ZNHIT6: variants seen among roughly 807,000 people sequenced by gnomAD.
The protein encoded by ZNHIT6 is box C/D snoRNA protein 1.
Under a neutral mutation model 57.2 loss-of-function variants are expected in ZNHIT6, and 45 were observed. That is an observed-to-expected ratio of 0.79 (90% CI 0.62 to 1.01). The LOEUF (loss-of-function observed/expected upper bound fraction) is 1.01. ZNHIT6 is among the 50% of genes least tolerant of loss of function. ZNHIT6 has a pLI of 0.00. For synonymous variants in ZNHIT6, 188 were observed against 190.0 expected, an observed-to-expected ratio of 0.99 and a Z score of 0.09; for missense variants, 528 against 567.3, an observed-to-expected ratio of 0.93 and a Z score of 0.70.
chr1:85,694,791 A>C lies in ZNHIT6; in HGVS notation c.1019+7366T>G, dbSNP rs144400599. On this transcript the variant is annotated intron_variant, in intron 5 of 9. Transcript: ENST00000370574. ...TTTTCATAATAAAATATGGGAAAAA[A>C]CTTTAAATAGGTAAAACTAATCTAT... Among the ~76,000 whole-genome samples the C allele has an allele frequency of 6.5e-3, 996 of 152,274 alleles. 10 individuals carry two copies. The highest frequency in any genetic ancestry group is 0.023 in the African/African-American group (948 of 41,554).
intron 8 of ZNHIT6, among the ~76,000 whole-genome samples, chr1:85,660,887 T>G (rs918990948): frequency 6.6e-6 from 1 of 152,226 alleles, no homozygotes; most frequent in Non-Finnish European, 1.5e-5. Flanking sequence ...TTGTGTGGTT[T>G]TGATTAGAAT....
chr1:85,687,309 AAAC>A lies in ZNHIT6; in HGVS notation c.1020-6408_1020-6406del, dbSNP rs1557861243. 1.7e-4 allele frequency among the ~76,000 whole-genome samples: 24 copies of A among 144,010 alleles called. 2 individuals carry two copies. Among genetic ancestry groups the A allele is most frequent in the Middle Eastern group, 3.6e-3 (1 of 278 alleles). The allele number at this position is 144,010 out of a possible 152,430, so 94.5% of individuals were successfully genotyped here. A position where few individuals can be genotyped will look rare whatever the true frequency, so the allele number is the denominator to read the frequency against. ...AAAACAAAAAAAAAACAAAAAAAAA[AAAC>A]AATTTAGAACCCAGTACTCAAAAAT... On this transcript the variant is annotated intron_variant, in intron 5 of 9. Coordinates refer to ENST00000370574, the MANE Select transcript of ZNHIT6 (RefSeq NM_017953.4).
intron 5 of ZNHIT6, among the ~76,000 whole-genome samples, chr1:85,682,592 T>C (rs142138250): frequency 1.3e-5 from 2 of 152,338 alleles, no homozygotes; most frequent in African/African-American, 4.8e-5. Flanking sequence ...TAACTAGCTC[T>C]ACTTATAACA....
intron 8 of ZNHIT6, among the ~76,000 whole-genome samples, chr1:85,664,214 TA>T (rs1445456268): frequency 2.6e-5 from 4 of 152,202 alleles, no homozygotes; most frequent in Non-Finnish European, 5.9e-5. Context: ...CCTCTTTACA[TA>T]ATCCCATATT....
chr1:85,673,635 C>T (rs1661625542), intron 8 of ZNHIT6, among the ~76,000 whole-genome samples: 2 of 152,164 alleles, frequency 1.3e-5, no homozygotes, highest in Admixed American at 1.3e-4. Context: ...GATTTCTAAG[C>T]ACTTTTCAGG....
At chr1:85,670,853 G>A (rs1180009266) in intron 8 of ZNHIT6, among the ~76,000 whole-genome samples, 3 of 152,130 alleles carry the variant, frequency 2.0e-5, no homozygotes, top group Non-Finnish European at 4.4e-5. Context: ...TGAAGATGCT[G>A]AGCTGCAAGG....
chr1:85,667,613 A>G (rs956434965), intron 8 of ZNHIT6, among the ~76,000 whole-genome samples: 5 of 127,144 alleles, frequency 3.9e-5, no homozygotes, highest in Non-Finnish European at 8.1e-5. Context: ...GTAATTTAAC[A>G]TCAATATCAT....
intron 4 of ZNHIT6, among the ~76,000 whole-genome samples, chr1:85,704,134 G>A (rs947957194): frequency 2.6e-5 from 4 of 152,152 alleles, no homozygotes; most frequent in East Asian, 1.9e-4. Flanking sequence ...AAGTATTGGC[G>A]AGAATATGAC....
chr1:85,675,248 G>T (rs1335194707), intron 8 of ZNHIT6, among the ~76,000 whole-genome samples: 3 of 152,066 alleles, frequency 2.0e-5, no homozygotes, highest in Non-Finnish European at 4.4e-5. Context: ...CAAAAAATAC[G>T]TCAAAGAAGT....
intron 8 of ZNHIT6, among the ~76,000 whole-genome samples, chr1:85,668,516 CT>C (rs1416369768): frequency 6.6e-6 from 1 of 152,184 alleles, no homozygotes; most frequent in Non-Finnish European, 1.5e-5. Flanking sequence ...GAAAAGACAT[CT>C]GAAAATAGTT....
intron 5 of ZNHIT6, among the ~76,000 whole-genome samples, chr1:85,684,013 A>G (rs975548465): frequency 2.6e-5 from 4 of 152,200 alleles, no homozygotes; most frequent in African/African-American, 9.6e-5. Context: ...GAGAACCACA[A>G]GGATAAAGGT....
intron 8 of ZNHIT6, among the ~76,000 whole-genome samples, chr1:85,668,336 T>C (rs964996652): frequency 1.3e-5 from 2 of 152,122 alleles, no homozygotes; most frequent in Non-Finnish European, 2.9e-5. Context: ...GATTAAATGA[T>C]TTTCCCCCAT....
At chr1:85,702,952 A>C (rs886399698) in intron 4 of ZNHIT6, among the ~76,000 whole-genome samples, 3 of 152,206 alleles carry the variant, frequency 2.0e-5, no homozygotes, top group Non-Finnish European at 4.4e-5. Flanking sequence ...ATATAAACGC[A>C]AGTTTTTTGT....
At chr1:85,688,239 T>G (rs1662120857) in intron 5 of ZNHIT6, among the ~76,000 whole-genome samples, 1 of 152,180 alleles carries the variant, frequency 6.6e-6, no homozygotes, top group Non-Finnish European at 1.5e-5. Context: ...TTATTTCATT[T>G]TACAGATGAA....
In ZNHIT6 at chr1:85,708,170, C is replaced by G. The variant is rs377121484; in HGVS notation, c.115G>C (p.Ala39Pro). The G allele has an allele frequency of 6.2e-7, 1 of 1,614,096 alleles. No homozygotes were observed. The highest frequency in any genetic ancestry group is 8.5e-7 in the Non-Finnish European group (1 of 1,180,054). The change falls in exon 1 of 10, where the codon GCG (alanine) becomes CCG (proline). Residue 39 changes from alanine to proline, a missense_variant. Physicochemically the swap from Ala to Pro is conservative, Grantham distance 27. Coordinates refer to ENST00000370574, the MANE Select transcript of ZNHIT6 (RefSeq NM_017953.4). ...TCCTCTCCGCCGCCGAACTCCTCCG[C>G]CCCTGCTAAGTCCCTTACTCCCTCC... ...GREGVRDLAG[A>P]EEFGGGEEGT...
At chr1:85,667,061 T>C (rs1372120895) in intron 8 of ZNHIT6, among the ~76,000 whole-genome samples, 1 of 152,190 alleles carries the variant, frequency 6.6e-6, no homozygotes. Flanking sequence ...GGGTTTCACA[T>C]AATCTGAGAA....
Position 85,669,714 on chromosome 1 carries a change from C to T in ZNHIT6, c.1247+7522G>A, listed in dbSNP as rs187732275. Among the ~76,000 whole-genome samples the T allele has an allele frequency of 4.8e-3, 726 of 152,276 alleles. 4 individuals are homozygous for T. Among genetic ancestry groups the T allele is most frequent in the Non-Finnish European group, 6.9e-3 (469 of 68,024 alleles). On this transcript the variant is annotated intron_variant, in intron 8 of 9. Coordinates refer to ENST00000370574, the MANE Select transcript of ZNHIT6 (RefSeq NM_017953.4). ...AAGTGAAGGCAATGGTTTATCTTTC[C>T]ATCAAGAAATGATTAAGTCTGGAGT...
rs576679999 is a variant in ZNHIT6 at position 85,702,230 on chromosome 1, G to C, written c.946C>G (p.Gln316Glu). The change falls in exon 5 of 10, where the codon CAA (glutamine) becomes GAA (glutamate). Residue 316 changes from glutamine (Q) to glutamate (E), a missense_variant. Physicochemically the swap from Gln to Glu is conservative, Grantham distance 29. Coordinates refer to ENST00000370574, the MANE Select transcript of ZNHIT6 (RefSeq NM_017953.4). ...GGTAGAAGTTTTAAGTTAATACCTT[G>C]CCTCCGGGCACGATTTTTCATAAAG... is the stretch of plus-strand genomic sequence containing the variant. ...MYFMKNRARR[Q>E]GINLKLLPNG... 1 of 1,605,908 alleles carries C rather than the reference G, an allele frequency of 6.2e-7. No homozygotes were observed. The highest frequency in any genetic ancestry group is 1.3e-5 in the African/African-American group (1 of 74,452).
Position 85,657,920 on chromosome 1 carries a change from T to G in ZNHIT6, c.1299A>C (p.Lys433Asn). 6.3e-7 allele frequency: 1 copy of G among 1,597,068 alleles called. No homozygotes were observed. Among genetic ancestry groups the G allele is most frequent in the Non-Finnish European group, 8.6e-7 (1 of 1,167,596 alleles). ...GTAATGTTGGATACTCAATGATCAC[T>G]TTGTTCCTCAAATTGTCTAGGAGAC... is the stretch of plus-strand genomic sequence containing the variant. ...YKSLLDNLRNKVIIEYPTLHV... is the reference protein window; with the variant it reads ...YKSLLDNLRNNVIIEYPTLHV... The change falls in exon 9 of 10, where the codon AAA becomes AAC. Residue 433 changes from lysine to asparagine, a missense_variant. Transcript: ENST00000370574.
Sources: allele counts gnomAD v4.1 joint callset (sites outside exome capture counted in the v4.1 genomes callset), GRCh38; gene constraint gnomAD v4.1.1; transcripts MANE v1.5; gene names NCBI Gene and HGNC (gene_info 2026-07-23, HGNC 2026-07-21).